The following ADAT2 variants were observed in gnomAD, a reference collection of about 807,000 sequenced individuals.
ADAT2 encodes the protein tRNA-specific adenosine-34 deaminase catalytic subunit ADAT2.
Under a neutral mutation model 25.9 loss-of-function variants are expected in ADAT2, and 26 were observed. That is an observed-to-expected ratio of 1.00 (90% CI 0.74 to 1.39). The LOEUF is 1.39. Ranked by LOEUF, ADAT2 falls within the 40% of genes most tolerant of loss-of-function variation. The pLI is 0.00. For synonymous variants in ADAT2, 76 were observed against 86.8 expected, an observed-to-expected ratio of 0.88 and a Z score of 0.69; for missense variants, 220 against 244.8, an observed-to-expected ratio of 0.90 and a Z score of 0.68.
At chr6:143,447,660 C>G (rs914224752) in intron 1 of ADAT2, among the ~76,000 whole-genome samples, 3 of 150,454 alleles carry the variant, frequency 2.0e-5, no homozygotes, top group African/African-American at 7.3e-5. Flanking sequence ...AAAAAGAAAA[C>G]ATTAAAATAT....
chr6:143,429,815 G>A (rs1259700914), intron 4 of ADAT2, among the ~76,000 whole-genome samples: 10 of 152,126 alleles, frequency 6.6e-5, no homozygotes, highest in Non-Finnish European at 1.2e-4. Context: ...TGTTCAGAAC[G>A]AACCTCCCAT....
chr6:143,443,273 G>C (rs1245036506), intron 1 of ADAT2, among the ~76,000 whole-genome samples: 1 of 152,092 alleles, frequency 6.6e-6, no homozygotes, highest in Non-Finnish European at 1.5e-5. Context: ...CCTACCAAGG[G>C]CCAGATTCCA....
In ADAT2 at chr6:143,446,582, A is replaced by C. The variant is rs1318950003; in HGVS notation, c.96+3981T>G. Among the ~76,000 whole-genome samples, 1 of 152,164 alleles carries C rather than the reference A, an allele frequency of 6.6e-6. No individual in the cohort carries two copies. The highest frequency in any genetic ancestry group is 1.5e-5 in the Non-Finnish European group (1 of 68,022). ...CAATTCACAGAAGAAAAAAATCTAAATGTTCAATTAAATTACACAGTAGAT... is the reference window on the plus strand; with the variant it reads ...CAATTCACAGAAGAAAAAAATCTAACTGTTCAATTAAATTACACAGTAGAT... On this transcript the variant is annotated intron_variant, in intron 1 of 5. Coordinates refer to ENST00000237283, the MANE Select transcript of ADAT2 (RefSeq NM_182503.3). The surrounding 1 kb of genome is among the most constrained non-coding windows in gnomAD (Gnocchi z 5.0).
intron 2 of ADAT2, among the ~76,000 whole-genome samples, chr6:143,435,919 C>T (rs1053813558): frequency 5.3e-5 from 8 of 151,934 alleles, no homozygotes; most frequent in African/African-American, 1.7e-4. Context: ...GAAAAGGTAA[C>T]GGCTAATTTA....
chr6:143,433,906 C>G lies in ADAT2; in HGVS notation c.277G>C (p.Glu93Gln). Residue 93 changes from glutamate (E) to glutamine (Q), a missense_variant, in exon 3 of 6, where the codon GAA (glutamate) becomes CAA (glutamine). Coordinates refer to ENST00000237283, the MANE Select transcript of ADAT2 (RefSeq NM_182503.3). ...WCRQSGKSPS[E>Q]VFEHTVLYVT... ...TACAACACAGTGTGTTCAAATACTTCAGAGGGACTCTTGCCACTTTGACGA... is the reference window on the plus strand; with the variant it reads ...TACAACACAGTGTGTTCAAATACTTGAGAGGGACTCTTGCCACTTTGACGA... 6.2e-7 allele frequency: 1 copy of G among 1,614,152 alleles called. No individual in the cohort carries two copies. The highest frequency in any genetic ancestry group is 8.5e-7 in the Non-Finnish European group (1 of 1,180,024).
At chr6:143,445,077 CTCTTCTG>C in intron 1 of ADAT2, 1 of 518,450 alleles carries the variant, frequency 1.9e-6, no homozygotes, top group South Asian at 2.3e-5. Context: ...GCTAATTACT[CTCTTCTG>C]AGTGATTACT....
rs956096088 is a variant in ADAT2 at position 143,424,019 on chromosome 6, T to A, written c.*4444A>T. The A allele has an allele frequency of 6.6e-6, 1 of 152,162 alleles. No individual in the cohort carries two copies. Among genetic ancestry groups the A allele is most frequent in the South Asian group, 2.1e-4 (1 of 4,826 alleles). 9.4% of individuals were successfully genotyped at this position (152,162 alleles called of 1,614,324 possible). On this transcript the variant is annotated 3_prime_UTR_variant, in exon 6 of 6. Transcript: ENST00000237283. This position sits in a 1 kb window ranked among gnomAD's most constrained non-coding sequence, Gnocchi z 4.8. ...TGGATATGTGGTGTTCAACCCAATA[T>A]CCACTTAGAAATCAGGTGATAAATA... is the stretch of plus-strand genomic sequence containing the variant.
In ADAT2 at chr6:143,442,473, G is replaced by GCA. The variant is rs1294957925; in HGVS notation, c.97-3781_97-3780dup. On this transcript the variant is annotated intron_variant, in intron 1 of 5. Transcript: ENST00000237283. This position sits in a 1 kb window ranked among gnomAD's most constrained non-coding sequence, Gnocchi z 4.6. Reference sequence around the variant, plus strand: ...AAACATGACAAAATTGCATAGGCACGCATACACACACACACACACACACAC... The same window carrying GCA: ...AAACATGACAAAATTGCATAGGCACGCACATACACACACACACACACACACAC... Among the ~76,000 whole-genome samples, 6 of 75,102 alleles carry GCA rather than the reference G, an allele frequency of 8.0e-5. No individual in the cohort carries two copies. The highest frequency in any genetic ancestry group is 3.1e-4 in the African/African-American group (6 of 19,444). The allele number at this position is 75,102 out of a possible 152,430, so 49.3% of individuals were successfully genotyped here.
chr6:143,450,604 C>T lies in ADAT2; in HGVS notation c.55G>A (p.Ala19Thr), dbSNP rs764410660. 9 of 1,614,022 alleles carry T rather than the reference C, an allele frequency of 5.6e-6. No individual in the cohort carries two copies. The highest frequency in any genetic ancestry group is 1.7e-5 in the Admixed American group (1 of 60,014). Residue 19 changes from alanine (A) to threonine (T), a missense_variant, in exon 1 of 6, where the codon GCA becomes ACA. Physicochemically the swap from Ala to Thr is moderately conservative, Grantham distance 58. Coordinates refer to ENST00000237283, the MANE Select transcript of ADAT2 (RefSeq NM_182503.3). ...PAASGACSVS[A>T]EETEKWMEEA... ...TCCATCCACTTTTCGGTCTCCTCTG[C>T]CGACACCGAGCACGCGCCGCTTGCA...
chr6:143,434,563 C>G lies in ADAT2; in HGVS notation c.202-582G>C, dbSNP rs1282316230. Among the ~76,000 whole-genome samples the G allele has an allele frequency of 2.6e-5, 4 of 152,184 alleles. No individual in the cohort carries two copies. The highest frequency in any genetic ancestry group is 9.7e-5 in the African/African-American group (4 of 41,430). On this transcript the variant is annotated intron_variant, in intron 2 of 5. Transcript: ENST00000237283. This position sits in a 1 kb window ranked among gnomAD's most constrained non-coding sequence, Gnocchi z 4.5. ...GAAATCACATAGCATGTGGAAGTGACTCCATTTAAATTTGAATTTTGACAG... is the reference window on the plus strand; with the variant it reads ...GAAATCACATAGCATGTGGAAGTGAGTCCATTTAAATTTGAATTTTGACAG...
rs367732425 is a variant in ADAT2 at position 143,430,265 on chromosome 6, G to A, written c.460-1581C>T. Among the ~76,000 whole-genome samples, 104 of 152,218 alleles carry A rather than the reference G, an allele frequency of 6.8e-4. 1 individual carries two copies. Among genetic ancestry groups the A allele is most frequent in the African/African-American group, 2.3e-3 (94 of 41,514 alleles). ...CACACTCAGAGCCCTCTCCTCTTAC[G>A]TGGGATGAGAGCAGTGGTTCTCAAC... is the stretch of plus-strand genomic sequence containing the variant. On this transcript the variant is annotated intron_variant, in intron 4 of 5. Transcript: ENST00000237283.
chr6:143,445,056 T>C (rs188605129), intron 1 of ADAT2: 5 of 756,034 alleles, frequency 6.6e-6, no homozygotes, highest in East Asian at 7.3e-5. Context: ...CTAAACTATA[T>C]AACTGTTTCT....
In ADAT2 at chr6:143,444,953, C is replaced by A; in HGVS notation, c.96+5610G>T. On this transcript the variant is annotated intron_variant, in intron 1 of 5. Transcript: ENST00000237283. The surrounding 1 kb of genome is among the most constrained non-coding windows in gnomAD (Gnocchi z 4.3). ...CTTGTTTGCACACAGTTTGATGAGT[C>A]CTTAAAGAAATATTTCCTATAAAGA... 1 of 1,302,838 alleles carries A rather than the reference C, an allele frequency of 7.7e-7. No homozygotes were observed. Among genetic ancestry groups the A allele is most frequent in the Non-Finnish European group, 1.0e-6 (1 of 988,346 alleles). The allele number at this position is 1,302,838 out of a possible 1,614,324, so 80.7% of individuals were successfully genotyped here. A position where few individuals can be genotyped will look rare whatever the true frequency, so the allele number is the denominator to read the frequency against.
chr6:143,443,865 G>A (rs182618418), intron 1 of ADAT2, among the ~76,000 whole-genome samples: 8 of 151,536 alleles, frequency 5.3e-5, no homozygotes, highest in Admixed American at 2.6e-4. Flanking sequence ...AAACAAAAAC[G>A]GCAAGAGAAT....
rs186691354 is a variant in ADAT2, at chr6:143,433,985, A to T, written c.202-4T>A. On this transcript the variant is annotated splice_region_variant and splice_polypyrimidine_tract_variant and intron_variant, in intron 2 of 5. Transcript: ENST00000237283. ...CCATTTCTGCATGTCGAGTAGCCTGAAAAGAGAAAGGGGCTTGCACTGATG... is the reference window on the plus strand; with the variant it reads ...CCATTTCTGCATGTCGAGTAGCCTGTAAAGAGAAAGGGGCTTGCACTGATG... 43 of 1,613,950 alleles carry T rather than the reference A, an allele frequency of 2.7e-5. No individual in the cohort carries two copies. In the East Asian group the frequency reaches 9.4e-4, roughly 35 times the overall value.
In ADAT2 at chr6:143,425,513, A is replaced by C. The variant is rs955874333; in HGVS notation, c.*2950T>G. 2.0e-5 allele frequency: 3 copies of C among 151,936 alleles called. No homozygotes were observed. Among genetic ancestry groups the C allele is most frequent in the African/African-American group, 7.3e-5 (3 of 41,296 alleles). 9.4% of individuals were successfully genotyped at this position (151,936 alleles called of 1,614,324 possible). A position where few individuals can be genotyped will look rare whatever the true frequency, so the allele number is the denominator to read the frequency against. On this transcript the variant is annotated 3_prime_UTR_variant, in exon 6 of 6. Coordinates refer to ENST00000237283, the MANE Select transcript of ADAT2 (RefSeq NM_182503.3). Reference sequence around the variant, plus strand: ...TGAGACCTATCTCAAAAAAAAAAAAAAAAAAGAAAAAGCTGGATTCAAGAC... The same window carrying C: ...TGAGACCTATCTCAAAAAAAAAAAACAAAAAGAAAAAGCTGGATTCAAGAC...
rs1673436900 is a variant in ADAT2 at position 143,426,038 on chromosome 6, T to C, written c.*2425A>G. 6.6e-6 allele frequency: 1 copy of C among 152,544 alleles called. No homozygotes were observed. The highest frequency in any genetic ancestry group is 6.5e-5 in the Admixed American group (1 of 15,290). 9.4% of individuals were successfully genotyped at this position (152,544 alleles called of 1,614,324 possible). ...AAGACCAGCAAACACTGGATAACTC[T>C]AGCAGCTTCTAAATGTAATCATTTC... On this transcript the variant is annotated 3_prime_UTR_variant, in exon 6 of 6. Transcript: ENST00000237283. This position sits in a 1 kb window ranked among gnomAD's most constrained non-coding sequence, Gnocchi z 4.1.
rs114225680 is a variant in ADAT2 at position 143,443,864 on chromosome 6, C to T, written c.97-5170G>A. 5.6e-3 allele frequency among the ~76,000 whole-genome samples: 848 copies of T among 150,570 alleles called. 6 individuals are homozygous for T. The highest frequency in any genetic ancestry group is 0.019 in the African/African-American group (799 of 41,064). On this transcript the variant is annotated intron_variant, in intron 1 of 5. Transcript: ENST00000237283. The stretch of plus-strand genomic sequence containing the variant: ...AAAAAGTTAAAAAAAAAAACAAAAA[C>T]GGCAAGAGAATAAACAAATGGAGGC...
In ADAT2 at chr6:143,427,096, A is replaced by AACACACACACACACATAC. The variant is rs1778954567; in HGVS notation, c.*1366_*1367insGTATGTGTGTGTGTGTGT. ...CCATAAAACTTTTCAAATGCAGTTAAACACACACACACACACACACACACA... is the reference window on the plus strand; with the variant it reads ...CCATAAAACTTTTCAAATGCAGTTAAACACACACACACACATACACACACACACACACACACACACACA... On this transcript the variant is annotated 3_prime_UTR_variant, in exon 6 of 6. Coordinates refer to ENST00000237283, the MANE Select transcript of ADAT2 (RefSeq NM_182503.3). 1 of 140,176 alleles carries AACACACACACACACATAC rather than the reference A, an allele frequency of 7.1e-6. No individual in the cohort carries two copies. The allele number at this position is 140,176 out of a possible 1,614,324, so 8.7% of individuals were successfully genotyped here.
Sources: gnomAD v4.1 joint callset for allele counts (sites outside exome capture counted in the v4.1 genomes callset) on GRCh38, gnomAD v4.1.1 for gene constraint, Gnocchi (gnomAD v3.1) non-coding constraint, MANE v1.5 for transcripts, NCBI Gene and HGNC (gene_info 2026-07-23, HGNC 2026-07-21) for gene names.